PHF21A: variants seen among roughly 807,000 people sequenced by gnomAD.
PHF21A encodes the protein BHC80a.
Under a neutral mutation model 82.5 loss-of-function variants are expected in PHF21A, and 11 were observed. The ratio of observed to expected loss-of-function variants is 0.13; its 90% confidence interval spans 0.08 to 0.22. The LOEUF is 0.22. Ranked by LOEUF, PHF21A falls within the 10% of genes least tolerant of loss-of-function variation. The probability of loss-of-function intolerance (pLI) is 1.00; values close to 1 mark genes in which losing one functional copy is unlikely to be tolerated. For synonymous variants in PHF21A, 297 were observed against 302.8 expected (o/e 0.98, Z 0.20); for missense variants, 579 against 837.8 (o/e 0.69, Z 3.81).
chr11:46,028,945 T>G (rs1191814221), intron 6 of PHF21A, among the ~76,000 whole-genome samples: 1 of 152,248 alleles, frequency 6.6e-6, no homozygotes, highest in African/African-American at 2.4e-5. Flanking sequence ...AAGGACTATA[T>G]GAACACAAGT....
At chr11:45,950,407 A>G (rs2091942712) in intron 11 of PHF21A, 150 bp from the exon 12 acceptor site, 1 of 550,540 alleles carries the variant, frequency 1.8e-6, no homozygotes. Flanking sequence ...AGCCATGGAG[A>G]TCCTCTACAG....
At chr11:46,017,084 C>A (rs887730378) in intron 6 of PHF21A, among the ~76,000 whole-genome samples, 20 of 152,088 alleles carry the variant, frequency 1.3e-4, no homozygotes, top group Non-Finnish European at 1.5e-5. Context: ...GATTCTCCTG[C>A]CTCAGCCTCC....
intron 6 of PHF21A, among the ~76,000 whole-genome samples, chr11:46,038,679 A>G (rs550278168): frequency 6.6e-6 from 1 of 152,292 alleles, no homozygotes; most frequent in East Asian, 1.9e-4. Flanking sequence ...ACTCTCTGCA[A>G]AGTCCCAAGG....
chr11:46,091,238 A>C (rs1436483162), intron 2 of PHF21A, among the ~76,000 whole-genome samples: 1 of 152,160 alleles, frequency 6.6e-6, no homozygotes, highest in Non-Finnish European at 1.5e-5. Context: ...AGGATTTAAA[A>C]ATTTTTTTAA....
chr11:46,071,538 T>C (rs2096656484), intron 6 of PHF21A, among the ~76,000 whole-genome samples: 1 of 152,240 alleles, frequency 6.6e-6, no homozygotes, highest in Non-Finnish European at 1.5e-5. Context: ...ATCAAATCTT[T>C]GACCAGTTAG....
rs370533546 is a variant in PHF21A at position 46,032,000 on chromosome 11, G to A, written c.153+44754C>T. Reference sequence around the variant, plus strand: ...CTTCCACACTAACATGAAAACCACAGCTTTATTAGCTGATAATTTAAAACA... The same window carrying A: ...CTTCCACACTAACATGAAAACCACAACTTTATTAGCTGATAATTTAAAACA... On this transcript the variant is annotated intron_variant, in intron 6 of 18. Transcript: ENST00000676320. 3.3e-4 allele frequency among the ~76,000 whole-genome samples: 51 copies of A among 152,274 alleles called. No individual in the cohort carries two copies. In the South Asian group the frequency reaches 0.01, roughly 31 times the overall value.
chr11:45,964,834 T>C (rs1423719508), intron 10 of PHF21A, among the ~76,000 whole-genome samples: 1 of 152,208 alleles, frequency 6.6e-6, no homozygotes, highest in Non-Finnish European at 1.5e-5. Context: ...AGAATGCTTT[T>C]TGGAAATTTT....
In PHF21A at chr11:46,041,778, C is replaced by T. The variant is rs187511760; in HGVS notation, c.153+34976G>A. 1.3e-3 allele frequency among the ~76,000 whole-genome samples: 194 copies of T among 152,274 alleles called. 2 individuals are homozygous for T. Among genetic ancestry groups the T allele is most frequent in the Admixed American group, 0.011 (169 of 15,296 alleles). Reference sequence around the variant, plus strand: ...TCAGATACCTATATACCCTTCCACGCTCCCTGAACTATCACACATCTTTCT... The same window carrying T: ...TCAGATACCTATATACCCTTCCACGTTCCCTGAACTATCACACATCTTTCT... On this transcript the variant is annotated intron_variant, in intron 6 of 18. Coordinates refer to ENST00000676320, the MANE Select transcript of PHF21A (RefSeq NM_001352027.3).
chr11:46,052,200 T>C (rs549894060), intron 6 of PHF21A, among the ~76,000 whole-genome samples: 1 of 152,246 alleles, frequency 6.6e-6, no homozygotes, highest in East Asian at 1.9e-4. Context: ...AAAAAAAACT[T>C]TCCCTCTTCA....
At chr11:46,053,636 T>C (rs982465078) in intron 6 of PHF21A, among the ~76,000 whole-genome samples, 7 of 152,120 alleles carry the variant, frequency 4.6e-5, no homozygotes, top group African/African-American at 1.7e-4. Flanking sequence ...ACATTAATTT[T>C]TGTTTGTTTC....
chr11:46,079,664 G>A (rs932065910), intron 4 of PHF21A, among the ~76,000 whole-genome samples: 3 of 152,142 alleles, frequency 2.0e-5, no homozygotes, highest in Non-Finnish European at 4.4e-5. Flanking sequence ...GAAGGAGTTC[G>A]GTGCAGGGGA....
chr11:45,987,721 A>G (rs908766244), intron 6 of PHF21A, among the ~76,000 whole-genome samples: 19 of 150,902 alleles, frequency 1.3e-4, no homozygotes, highest in Non-Finnish European at 2.1e-4. Flanking sequence ...CCACAATAAG[A>G]TATATCATAG....
At chr11:45,991,455 T>C (rs933297972) in intron 6 of PHF21A, among the ~76,000 whole-genome samples, 3 of 152,152 alleles carry the variant, frequency 2.0e-5, no homozygotes, top group Admixed American at 1.3e-4. Flanking sequence ...CAACTCCTGA[T>C]AACTAATTCC....
chr11:45,943,119 TCC>T (rs1309366385), intron 15 of PHF21A, among the ~76,000 whole-genome samples: 1 of 91,404 alleles, frequency 1.1e-5, no homozygotes, highest in East Asian at 3.5e-4. Flanking sequence ...CATCTTTCTT[TCC>T]TTTTTTTTTT....
intron 6 of PHF21A, among the ~76,000 whole-genome samples, chr11:46,022,947 C>T (rs2095660389): frequency 6.6e-6 from 1 of 152,080 alleles, no homozygotes; most frequent in South Asian, 2.1e-4. Context: ...GATAGGGTTT[C>T]GCCATCTTGG....
chr11:45,942,740 T>C (rs2090589692), intron 15 of PHF21A, among the ~76,000 whole-genome samples: 3 of 152,220 alleles, frequency 2.0e-5, no homozygotes, highest in Admixed American at 6.5e-5. Context: ...ACCTCTGGAA[T>C]TTTAACTCAG....
At chr11:46,026,113 C>T (rs140924091) in intron 6 of PHF21A, among the ~76,000 whole-genome samples, 17 of 152,238 alleles carry the variant, frequency 1.1e-4, no homozygotes, top group African/African-American at 4.1e-4. Context: ...CGTACTTAGG[C>T]GAGAGACCTG....
chr11:46,034,572 G>A (rs1044901141), intron 6 of PHF21A, among the ~76,000 whole-genome samples: 2 of 152,032 alleles, frequency 1.3e-5, no homozygotes, highest in East Asian at 3.9e-4. Flanking sequence ...CTTTAAATTT[G>A]TTTTTTAGTA....
At position 46,076,674 on chromosome 11, in the gene PHF21A, G is replaced by T. The variant is rs1276938873; in HGVS notation, c.153+80C>A. On this transcript the variant is annotated intron_variant, in intron 6 of 18. Transcript: ENST00000676320. Reference sequence around the variant, plus strand: ...TTATTTTCACACATGAGGAAAAATAGCAGTTCTCTTAGAAGCCTCGAGCAG... The same window carrying T: ...TTATTTTCACACATGAGGAAAAATATCAGTTCTCTTAGAAGCCTCGAGCAG... The T allele has an allele frequency of 6.5e-6, 7 of 1,083,844 alleles. No individual in the cohort carries two copies. In the Admixed American group the frequency reaches 1.2e-4, roughly 19 times the overall value. 67.1% of individuals were successfully genotyped at this position (1,083,844 alleles called of 1,614,324 possible). A position where few individuals can be genotyped will look rare whatever the true frequency, so the allele number is the denominator to read the frequency against.
Sources: gnomAD v4.1 joint callset for allele counts (sites outside exome capture counted in the v4.1 genomes callset) on GRCh38, gnomAD v4.1.1 for gene constraint, MANE v1.5 for transcripts, NCBI Gene and HGNC (gene_info 2026-07-23, HGNC 2026-07-21) for gene names.